The following KCNQ5 variants were observed in gnomAD, a reference collection of about 807,000 sequenced individuals.
KCNQ5 encodes potassium voltage-gated channel subfamily KQT member 5.
A neutral mutation model predicts 98.2 loss-of-function variants in KCNQ5; 30 were observed. That is an observed-to-expected ratio of 0.31 (90% CI 0.23 to 0.41). The LOEUF (loss-of-function observed/expected upper bound fraction) is 0.41, where lower values mean the gene tolerates loss of function less well. KCNQ5 is among the 10% of genes least tolerant of loss of function. The pLI is 1.00. For synonymous variants in KCNQ5, 458 were observed against 449.4 expected (o/e 1.02, Z -0.24); for missense variants, 835 against 1,182.5 (o/e 0.71, Z 4.31).
chr6:72,954,531 C>CTGTGTGTGTG (rs3068309), intron 1 of KCNQ5, among the ~76,000 whole-genome samples: 7 of 150,554 alleles, frequency 4.6e-5, no homozygotes, highest in East Asian at 3.9e-4. Context: ...CAAGACTTTT[C>CTGTGTGTGTG]TGTGTGTGTG....
At chr6:72,640,779 A>G (rs1165742126) in intron 1 of KCNQ5, 1 of 152,164 alleles carries the variant, frequency 6.6e-6, no homozygotes, top group Non-Finnish European at 1.5e-5. Context: ...CCTCAGGATC[A>G]AGTACTATTG....
At chr6:72,866,251 C>CT (rs1777976490) in intron 1 of KCNQ5, among the ~76,000 whole-genome samples, 8 of 138,096 alleles carry the variant, frequency 5.8e-5, no homozygotes, top group African/African-American at 1.7e-4. Flanking sequence ...CCGCCATCTC[C>CT]CTTTTTTTTT....
chr6:72,944,734 C>A (rs1018523787), intron 1 of KCNQ5, among the ~76,000 whole-genome samples: 1 of 152,184 alleles, frequency 6.6e-6, no homozygotes, highest in South Asian at 2.1e-4. Context: ...TGCCACCAAC[C>A]TGTGGCAGCC....
intron 8 of KCNQ5, 50 bp from the exon 9 acceptor site, chr6:73,124,436 T>C: frequency 6.3e-7 from 1 of 1,591,748 alleles, no homozygotes; most frequent in Non-Finnish European, 8.6e-7. Flanking sequence ...GTGCTATAAA[T>C]ATATTCACTG....
At chr6:72,914,518 C>G (rs1411106641) in intron 1 of KCNQ5, among the ~76,000 whole-genome samples, 3 of 148,636 alleles carry the variant, frequency 2.0e-5, no homozygotes, top group Admixed American at 6.8e-5. Flanking sequence ...ATAAGGAGGA[C>G]TGGTCTCATG....
At chr6:72,756,923 C>G (rs569860692) in intron 1 of KCNQ5, among the ~76,000 whole-genome samples, 1 of 151,884 alleles carries the variant, frequency 6.6e-6, no homozygotes, top group Non-Finnish European at 1.5e-5. Context: ...TACATACAAA[C>G]GACATAGTTT....
intron 10 of KCNQ5, among the ~76,000 whole-genome samples, chr6:73,167,345 T>C (rs1213689948): frequency 6.6e-6 from 1 of 152,224 alleles, no homozygotes; most frequent in East Asian, 1.9e-4. Context: ...CTGTCTCTCC[T>C]GACATATTGT....
chr6:72,738,070 G>C (rs1770942162), intron 1 of KCNQ5, among the ~76,000 whole-genome samples: 1 of 152,116 alleles, frequency 6.6e-6, no homozygotes, highest in Non-Finnish European at 1.5e-5. Context: ...CAGGAGAATG[G>C]CGTGAACCCA....
intron 1 of KCNQ5, among the ~76,000 whole-genome samples, chr6:72,626,560 G>A (rs17692121): frequency 0.4 from 60,744 of 151,908 alleles, 13,057 homozygotes; most frequent in Middle Eastern, 0.51. Flanking sequence ...GATAATCAGG[G>A]GAATGATATA....
chr6:73,055,804 A>T (rs1316240470), intron 3 of KCNQ5: 4 of 828,202 alleles, frequency 4.8e-6, no homozygotes, highest in East Asian at 2.9e-5. Context: ...GGATGAAGAG[A>T]CCATGTGCAA....
intron 1 of KCNQ5, among the ~76,000 whole-genome samples, chr6:72,839,929 A>G (rs1424185176): frequency 1.3e-5 from 2 of 152,168 alleles, no homozygotes; most frequent in East Asian, 3.8e-4. Flanking sequence ...GTTCGGTGGT[A>G]GAATTCTCAT....
At position 72,742,226 on chromosome 6, in the gene KCNQ5, A is replaced by G. The variant is rs114738021; in HGVS notation, c.398+119639A>G. On this transcript the variant is annotated intron_variant, in intron 1 of 13. Transcript: ENST00000370398. ...TTAGAAGATAGCTTCAGTATTCTTT[A>G]TTGTAAATAGGTCATTTGAATTTTT... Among the ~76,000 whole-genome samples the G allele has an allele frequency of 2.6e-3, 401 of 152,318 alleles. 2 individuals are homozygous for G. Among genetic ancestry groups the G allele is most frequent in the African/African-American group, 9.4e-3 (392 of 41,562 alleles).
In KCNQ5 at chr6:73,190,684, A is replaced by G. The variant is rs116950019; in HGVS notation, c.1689A>G (p.Arg563=). The change falls in exon 12 of 14, where the codon AGA becomes AGG. Residue 563 remains arginine, a synonymous_variant. Transcript: ENST00000370398. ...CTGGTCATCTGGACATGTTGTGTAG[A>G]ATTAAAAGCCTTCAAACACGGTAAG... ...YSAGHLDMLC[R]IKSLQTRVDQ... is the part of the protein sequence containing the mutation. 700 of 1,584,632 alleles carry G rather than the reference A, an allele frequency of 4.4e-4. 1 individual carries two copies. Among genetic ancestry groups the G allele is most frequent in the Non-Finnish European group, 5.7e-4 (668 of 1,163,736 alleles).
Position 72,922,204 on chromosome 6 carries a change from A to G in KCNQ5, c.399-81704A>G, listed in dbSNP as rs1317952368. The stretch of plus-strand genomic sequence containing the variant: ...TTAATCCTCATGGATTATTCAATAG[A>G]TAAGAATATTATTTTACTGTCTGTG... On this transcript the variant is annotated intron_variant, in intron 1 of 13. Transcript: ENST00000370398. Among the ~76,000 whole-genome samples the G allele has an allele frequency of 2.1e-4, 32 of 152,196 alleles. 1 individual carries two copies. Among genetic ancestry groups the G allele is most frequent in the Admixed American group, 2.0e-3 (31 of 15,268 alleles).
At chr6:73,070,068 C>T (rs117703039) in intron 3 of KCNQ5, among the ~76,000 whole-genome samples, 40 of 151,858 alleles carry the variant, frequency 2.6e-4, no homozygotes, top group Non-Finnish European at 5.4e-4. Context: ...AGATATGAGA[C>T]GAGGAAGACA....
Position 72,713,561 on chromosome 6 carries a change from G to A in KCNQ5, c.398+90974G>A, listed in dbSNP as rs149117114. Among the ~76,000 whole-genome samples, 22 of 152,148 alleles carry A rather than the reference G, an allele frequency of 1.4e-4. No individual in the cohort carries two copies. The East Asian group carries it at 4.1e-3, about 28-fold the overall frequency. Reference sequence around the variant, plus strand: ...TCTCCTAATAGTTCTGGTGCCTCTGGCCTCTCTCTTCTCCAGTCAATATTC... The same window carrying A: ...TCTCCTAATAGTTCTGGTGCCTCTGACCTCTCTCTTCTCCAGTCAATATTC... On this transcript the variant is annotated intron_variant, in intron 1 of 13. Transcript: ENST00000370398.
At chr6:72,627,405 C>T (rs1314571343) in intron 1 of KCNQ5, among the ~76,000 whole-genome samples, 3 of 151,966 alleles carry the variant, frequency 2.0e-5, no homozygotes, top group Admixed American at 2.0e-4. Context: ...ACCCAAAGGC[C>T]GAGGGAAAGC....
intron 1 of KCNQ5, among the ~76,000 whole-genome samples, chr6:72,922,655 C>T (rs372773707): frequency 1.3e-5 from 2 of 152,020 alleles, no homozygotes; most frequent in African/African-American, 2.4e-5. Flanking sequence ...TGAGATCATG[C>T]GGTATTTGCT....
chr6:72,834,380 G>A (rs1349663960), intron 1 of KCNQ5, among the ~76,000 whole-genome samples: 1 of 152,074 alleles, frequency 6.6e-6, no homozygotes, highest in Non-Finnish European at 1.5e-5. Flanking sequence ...TTTAGTGTTG[G>A]ATATTATGGA....
Sources: allele counts gnomAD v4.1 joint callset (sites outside exome capture counted in the v4.1 genomes callset), GRCh38; gene constraint gnomAD v4.1.1; transcripts MANE v1.5; gene names NCBI Gene and HGNC (gene_info 2026-07-23, HGNC 2026-07-21).